The following PLEKHG1 variants were observed in gnomAD, a reference collection of about 807,000 sequenced individuals.
PLEKHG1 encodes the protein pleckstrin homology domain-containing family G member 1.
A neutral mutation model predicts 100.8 loss-of-function variants in PLEKHG1; 44 were observed. The observed-to-expected ratio is 0.44, with a 90% CI of 0.34 to 0.56. The LOEUF is 0.56. PLEKHG1 is among the 20% of genes least tolerant of loss of function. The pLI is 0.01. For synonymous variants in PLEKHG1, 640 were observed against 662.5 expected (o/e 0.97, Z 0.52); for missense variants, 1,545 against 1,720.9 (o/e 0.90, Z 1.81).
chr6:150,824,519 GTCT>G (rs1776478552), intron 14 of PLEKHG1, among the ~76,000 whole-genome samples: 1 of 151,384 alleles, frequency 6.6e-6, no homozygotes, highest in Non-Finnish European at 1.5e-5. Context: ...AATCAACGTA[GTCT>G]TTTTTTTTTT....
chr6:150,734,982 T>A (rs1782486653), intron 2 of PLEKHG1, among the ~76,000 whole-genome samples: 1 of 24,948 alleles, frequency 4.0e-5, no homozygotes, highest in Admixed American at 3.1e-4. Context: ...AAGGGCAGAT[T>A]TTTTTTTTTT....
At chr6:150,675,684 G>T (rs188751355) in intron 3 of PLEKHG1, among the ~76,000 whole-genome samples, 3 of 152,116 alleles carry the variant, frequency 2.0e-5, no homozygotes, top group Admixed American at 2.0e-4. Flanking sequence ...ATGGGGTTTC[G>T]CCATGTTGGC....
intron 5 of PLEKHG1, among the ~76,000 whole-genome samples, chr6:150,799,911 G>A (rs958347036): frequency 1.3e-5 from 2 of 152,176 alleles, no homozygotes; most frequent in Non-Finnish European, 2.9e-5. Context: ...GCGTGTGACT[G>A]CACAAGCCGT....
Position 150,712,514 on chromosome 6 carries a change from T to G in PLEKHG1, c.-98-21070T>G, listed in dbSNP as rs115430325. Among the ~76,000 whole-genome samples, 389 of 152,384 alleles carry G rather than the reference T, an allele frequency of 2.6e-3. 2 individuals are homozygous for G. Among genetic ancestry groups the G allele is most frequent in the African/African-American group, 9.1e-3 (377 of 41,592 alleles). ...AGCTTCTTCCTCTTCCTTTTTCTCT[T>G]CTTTCATTTACTTGTAAAGGATTCA... On this transcript the variant is annotated intron_variant, in intron 3 of 3. Transcript: ENST00000367326.
upstream of PLEKHG1, among the ~76,000 whole-genome samples, chr6:150,717,986 C>CA (rs1410785557): frequency 6.6e-6 from 1 of 152,036 alleles, no homozygotes; most frequent in Non-Finnish European, 1.5e-5. Flanking sequence ...GCTGAGGTGG[C>CA]AGGATCGCTT....
intron 2 of PLEKHG1, among the ~76,000 whole-genome samples, chr6:150,767,814 G>A (rs909786966): frequency 3.3e-5 from 5 of 152,154 alleles, no homozygotes; most frequent in African/African-American, 4.8e-5. Context: ...CTAGGGCAAG[G>A]ACTGTATTTA....
At position 150,831,760 on chromosome 6, in the gene PLEKHG1, C is replaced by T. The variant is rs1169752775; in HGVS notation, c.2649C>T (p.Asp883=). The stretch of plus-strand genomic sequence containing the variant: ...AGAGCACCCCTGAGCTGAGCCGGGA[C>T]GTGGGGCGCTCTGTGTCCACGCTGT... Residue 883 remains aspartate (D), a synonymous_variant, in exon 15 of 16, where the codon GAC becomes GAT. Coordinates refer to ENST00000358517, the Ensembl canonical transcript of PLEKHG1. This position sits in a 1 kb window ranked among gnomAD's most constrained non-coding sequence, Gnocchi z 4.1. 8 of 1,612,584 alleles carry T rather than the reference C, an allele frequency of 5.0e-6. No homozygotes were observed. The highest frequency in any genetic ancestry group is 1.7e-5 in the Admixed American group (1 of 59,960).
At chr6:150,692,327 CT>C (rs1780374802) in intron 3 of PLEKHG1, among the ~76,000 whole-genome samples, 2 of 152,146 alleles carry the variant, frequency 1.3e-5, no homozygotes, top group South Asian at 4.1e-4. Context: ...GACTCTTGTA[CT>C]CTTAGTTTAC....
chr6:150,650,971 G>A (rs1562410098), intron 3 of PLEKHG1, 185 bp downstream of exon 2: 1 of 152,188 alleles, frequency 6.6e-6, no homozygotes, highest in Admixed American at 6.5e-5. Flanking sequence ...GTGGATGCCT[G>A]AAACCATGGA....
At chr6:150,811,171 CAG>C (rs944651044) in intron 10 of PLEKHG1, among the ~76,000 whole-genome samples, 5 of 152,006 alleles carry the variant, frequency 3.3e-5, no homozygotes, top group African/African-American at 9.7e-5. Context: ...GAAGACATAA[CAG>C]AGTATAACCC....
At chr6:150,721,111 A>T (rs1781652131) in exon 1 of PLEKHG1, 1 of 981,782 alleles carries the variant, frequency 1.0e-6, no homozygotes, top group Non-Finnish European at 1.2e-6. Flanking sequence ...AAGGCGCTGC[A>T]CAGACTAGCA....
Position 150,628,575 on chromosome 6 carries a change from C to CACAT in PLEKHG1, c.-203-9503_-203-9502insATAC, listed in dbSNP as rs754227842. On this transcript the variant is annotated intron_variant, in intron 1 of 3. Coordinates refer to the PLEKHG1 transcript ENST00000367326. ...ACACACACACACACACACACACACA[C>CACAT]ACCCCGTCCTTGCCCTCCTGCACTG... Among the ~76,000 whole-genome samples the CACAT allele has an allele frequency of 2.4e-3, 330 of 137,434 alleles. 9 individuals are homozygous for CACAT. The highest frequency in any genetic ancestry group is 0.012 in the South Asian group (50 of 4,156). 90.2% of individuals were successfully genotyped at this position (137,434 alleles called of 152,430 possible).
chr6:150,784,864 T>TTACATAGTC (rs1785522749), intron 3 of PLEKHG1, among the ~76,000 whole-genome samples: 3 of 152,294 alleles, frequency 2.0e-5, no homozygotes, highest in African/African-American at 7.2e-5. Flanking sequence ...GGCATAATAC[T>TTACATAGTC]TACATAGTCT....
chr6:150,785,586 A>G (rs1045672568), intron 3 of PLEKHG1, among the ~76,000 whole-genome samples: 4 of 152,174 alleles, frequency 2.6e-5, no homozygotes, highest in Non-Finnish European at 5.9e-5. Context: ...TTCCCTTCCC[A>G]GCATATCTCT....
chr6:150,821,315 A>G, intron 13 of PLEKHG1, 82 bp downstream of exon 14: 1 of 856,708 alleles, frequency 1.2e-6, no homozygotes, highest in South Asian at 1.4e-5. Context: ...TAAATACCAG[A>G]TAAATTACAT....
Position 150,831,170 on chromosome 6 carries a change from G to A in PLEKHG1, c.2059G>A (p.Ala687Thr). 1 of 1,614,100 alleles carries A rather than the reference G, an allele frequency of 6.2e-7. No individual in the cohort carries two copies. The highest frequency in any genetic ancestry group is 8.5e-7 in the Non-Finnish European group (1 of 1,180,012). Reference sequence around the variant, plus strand: ...AGCTGAATCCACTCCCTCTAAATCAGCCAGGGACTCCGTTCGCCCCAAGAG... The same window carrying A: ...AGCTGAATCCACTCCCTCTAAATCAACCAGGGACTCCGTTCGCCCCAAGAG... The change falls in exon 15 of 16, where the codon GCC (alanine) becomes ACC (threonine). Residue 687 changes from alanine (A) to threonine (T), a missense_variant. Coordinates refer to ENST00000358517, the Ensembl canonical transcript of PLEKHG1. This position sits in a 1 kb window ranked among gnomAD's most constrained non-coding sequence, Gnocchi z 4.1.
chr6:150,717,189 G>A (rs187374619), upstream of PLEKHG1, among the ~76,000 whole-genome samples: 501 of 151,884 alleles, frequency 3.3e-3, no homozygotes, highest in Admixed American at 9.0e-3. Context: ...GTGCCACCAC[G>A]CCTGGCTAAT....
chr6:150,665,331 A>T (rs1450858453), intron 3 of PLEKHG1, among the ~76,000 whole-genome samples: 1 of 152,232 alleles, frequency 6.6e-6, no homozygotes, highest in Non-Finnish European at 1.5e-5. Context: ...GTATCAAGGC[A>T]GTAATGATTT....
At chr6:150,649,604 C>T (rs962064133) in intron 2 of PLEKHG1, among the ~76,000 whole-genome samples, 2 of 152,192 alleles carry the variant, frequency 1.3e-5, no homozygotes, top group Non-Finnish European at 2.9e-5. Context: ...AGGCTGGACG[C>T]GGTGGCTTAT....
Sources: gnomAD v4.1 joint callset for allele counts (sites outside exome capture counted in the v4.1 genomes callset) on GRCh38, gnomAD v4.1.1 for gene constraint, Gnocchi (gnomAD v3.1) non-coding constraint, MANE v1.5 for transcripts, NCBI Gene and HGNC (gene_info 2026-07-23, HGNC 2026-07-21) for gene names.